ZNF804A: variants seen among roughly 807,000 people sequenced by gnomAD.
ZNF804A encodes zinc finger protein 804A.
Under a neutral mutation model 16.5 loss-of-function variants are expected in ZNF804A, and 2 were observed. That is an observed-to-expected ratio of 0.12 (90% CI 0.05 to 0.38). The LOEUF (loss-of-function observed/expected upper bound fraction) is 0.38, where lower values mean the gene tolerates loss of function less well. Ranked by LOEUF, ZNF804A falls within the 10% of genes least tolerant of loss-of-function variation. The probability of loss-of-function intolerance (pLI) is 0.99; values close to 1 mark genes in which losing one functional copy is unlikely to be tolerated. For missense variants in ZNF804A, 1,473 were observed against 1,390.7 expected, an observed-to-expected ratio of 1.06 and a Z score of -0.94; for synonymous variants, 534 against 489.6, an observed-to-expected ratio of 1.09 and a Z score of -1.20.
At chr2:184,773,672 G>A (rs757534108) in intron 1 of ZNF804A, among the ~76,000 whole-genome samples, 3 of 151,034 alleles carry the variant, frequency 2.0e-5, no homozygotes, top group Non-Finnish European at 4.4e-5. Flanking sequence ...AGGCAGGTGA[G>A]GTATAAAGAC....
chr2:184,826,853 A>G (rs1460241023), intron 1 of ZNF804A, among the ~76,000 whole-genome samples: 1 of 152,122 alleles, frequency 6.6e-6, no homozygotes, highest in Non-Finnish European at 1.5e-5. Context: ...TTGAAAAATG[A>G]CAAACGGCAT....
At chr2:184,705,805 A>G (rs1180465020) in intron 1 of ZNF804A, among the ~76,000 whole-genome samples, 3 of 152,162 alleles carry the variant, frequency 2.0e-5, no homozygotes, top group Non-Finnish European at 4.4e-5. Flanking sequence ...GTGGTAGAAA[A>G]TGTGGTTTGG....
At chr2:184,679,991 GC>G (rs1254360436) in intron 1 of ZNF804A, among the ~76,000 whole-genome samples, 2 of 152,188 alleles carry the variant, frequency 1.3e-5, no homozygotes, top group Non-Finnish European at 2.9e-5. Flanking sequence ...TTCTGGGCCT[GC>G]TCATGGCCAC....
intron 1 of ZNF804A, among the ~76,000 whole-genome samples, chr2:184,762,352 C>T (rs952554639): frequency 2.6e-5 from 4 of 151,402 alleles, no homozygotes; most frequent in Admixed American, 6.6e-5. Context: ...TCAGGTAATC[C>T]GGAGTCAAAA....
chr2:184,699,875 A>G (rs1692892837), intron 1 of ZNF804A, among the ~76,000 whole-genome samples: 1 of 152,010 alleles, frequency 6.6e-6, no homozygotes, highest in South Asian at 2.1e-4. Context: ...ACGGTAGGAA[A>G]TGCCTAGAGC....
At chr2:184,704,642 T>A (rs569181280) in intron 1 of ZNF804A, among the ~76,000 whole-genome samples, 2 of 152,306 alleles carry the variant, frequency 1.3e-5, no homozygotes, top group African/African-American at 4.8e-5. Flanking sequence ...GTTTGAACTT[T>A]GGTTAATAGA....
rs1685193219 is a variant in ZNF804A, at chr2:184,902,139, A to C, written c.256-31464A>C. On this transcript the variant is annotated intron_variant, in intron 2 of 3. Coordinates refer to ENST00000302277, the MANE Select transcript of ZNF804A (RefSeq NM_194250.2). ...TATCCTAATTTTATTGGCAACATCC[A>C]AACAATCATTGTCAGGAGCCAGTTG... The C allele has an allele frequency of 5.8e-5, 9 of 154,752 alleles. No homozygotes were observed. In the Admixed American group the frequency reaches 5.8e-4, roughly 10 times the overall value. 9.6% of individuals were successfully genotyped at this position (154,752 alleles called of 1,614,324 possible).
At chr2:184,716,833 T>C (rs868666221) in intron 1 of ZNF804A, among the ~76,000 whole-genome samples, 1 of 152,192 alleles carries the variant, frequency 6.6e-6, no homozygotes, top group Non-Finnish European at 1.5e-5. Flanking sequence ...GTAAAAATAT[T>C]CAAGATTATA....
chr2:184,851,013 A>G (rs778851925), intron 1 of ZNF804A, among the ~76,000 whole-genome samples: 1 of 151,646 alleles, frequency 6.6e-6, no homozygotes, highest in Non-Finnish European at 1.5e-5. Context: ...AGTACTTCTA[A>G]TTTCTGTTCT....
intron 1 of ZNF804A, among the ~76,000 whole-genome samples, chr2:184,808,542 T>A (rs1252916469): frequency 6.6e-6 from 1 of 151,584 alleles, no homozygotes. Flanking sequence ...ATATGAAATT[T>A]TGGATTATAT....
At chr2:184,878,406 G>C (rs1273232905) in intron 2 of ZNF804A, among the ~76,000 whole-genome samples, 3 of 152,018 alleles carry the variant, frequency 2.0e-5, no homozygotes, top group African/African-American at 2.4e-5. Context: ...GGCTATACTA[G>C]CTTCCGACTT....
intron 1 of ZNF804A, among the ~76,000 whole-genome samples, chr2:184,791,026 A>G (rs1694531737): frequency 6.6e-6 from 1 of 152,148 alleles, no homozygotes; most frequent in Non-Finnish European, 1.5e-5. Context: ...TTTGCATGAT[A>G]TATCTTTCTC....
chr2:184,933,162 C>T (rs1046142592), intron 2 of ZNF804A, among the ~76,000 whole-genome samples: 1 of 151,794 alleles, frequency 6.6e-6, no homozygotes, highest in African/African-American at 2.4e-5. Flanking sequence ...CACACACACA[C>T]ACAGACACAA....
At chr2:184,896,138 G>C (rs1221088604) in intron 2 of ZNF804A, among the ~76,000 whole-genome samples, 1 of 151,436 alleles carries the variant, frequency 6.6e-6, no homozygotes, top group Non-Finnish European at 1.5e-5. Context: ...TCTCAAGCCA[G>C]ACTCACACAA....
intron 1 of ZNF804A, among the ~76,000 whole-genome samples, chr2:184,711,687 T>C (rs1423576668): frequency 6.6e-6 from 1 of 151,746 alleles, no homozygotes; most frequent in African/African-American, 2.4e-5. Context: ...AATTTTATTG[T>C]TTTTCATATG....
chr2:184,625,104 A>G (rs1417703470), intron 1 of ZNF804A, among the ~76,000 whole-genome samples: 2 of 152,196 alleles, frequency 1.3e-5, no homozygotes, highest in African/African-American at 4.8e-5. Flanking sequence ...TTTTTAATTC[A>G]AGAGCACCCA....
intron 1 of ZNF804A, among the ~76,000 whole-genome samples, chr2:184,769,229 A>G (rs1335501437): frequency 6.6e-6 from 1 of 152,060 alleles, no homozygotes; most frequent in African/African-American, 2.4e-5. Context: ...TCCTTTAAGG[A>G]AAGAACACAC....
intron 1 of ZNF804A, among the ~76,000 whole-genome samples, chr2:184,683,037 AAAAAT>A (rs199734799): frequency 0.019 from 2,902 of 152,338 alleles, 44 homozygotes; most frequent in Non-Finnish European, 0.031. Flanking sequence ...CCCTGTCTCA[AAAAAT>A]AAAATAAAAT....
At chr2:184,909,222 G>A (rs552187154) in intron 2 of ZNF804A, among the ~76,000 whole-genome samples, 42 of 152,034 alleles carry the variant, frequency 2.8e-4, no homozygotes, top group Non-Finnish European at 5.2e-4. Context: ...TGGTTTTATC[G>A]AGGAAAATGT....
Sources: gnomAD v4.1 joint callset for allele counts (sites outside exome capture counted in the v4.1 genomes callset) on GRCh38, gnomAD v4.1.1 for gene constraint, MANE v1.5 for transcripts, NCBI Gene and HGNC (gene_info 2026-07-23, HGNC 2026-07-21) for gene names.